The following PLCZ1 variants were observed in gnomAD, a reference collection of about 807,000 sequenced individuals.
The protein encoded by PLCZ1 is 1-phosphatidylinositol 4,5-bisphosphate phosphodiesterase zeta-1.
A neutral mutation model predicts 76.8 loss-of-function variants in PLCZ1; 64 were observed. That is an observed-to-expected ratio of 0.83 (90% CI 0.68 to 1.03). PLCZ1 has a LOEUF of 1.03. Among genes scored for constraint, PLCZ1 ranks in the 50% least tolerant of loss-of-function variants. The pLI is 0.00. For missense variants in PLCZ1, 751 were observed against 713.7 expected, an observed-to-expected ratio of 1.05 and a Z score of -0.60; for synonymous variants, 248 against 230.8, an observed-to-expected ratio of 1.07 and a Z score of -0.68.
intron 3 of PLCZ1, among the ~76,000 whole-genome samples, chr12:18,734,712 A>C (rs1482861524): frequency 1.3e-5 from 2 of 152,138 alleles, no homozygotes; most frequent in Admixed American, 1.3e-4. Flanking sequence ...GCCATCAGTG[A>C]ATAGAGATAA....
At chr12:18,731,944 T>C (rs1309646807) in intron 3 of PLCZ1, among the ~76,000 whole-genome samples, 1 of 152,176 alleles carries the variant, frequency 6.6e-6, no homozygotes, top group African/African-American at 2.4e-5. Context: ...TTTTCTTTTG[T>C]GGAATAAGTG....
At chr12:18,736,453 T>C in intron 2 of PLCZ1, 109 bp from the exon 3 acceptor site, 1 of 1,291,886 alleles carries the variant, frequency 7.7e-7, no homozygotes, top group East Asian at 2.6e-5. Context: ...AAAGAATATG[T>C]TTAAAGTAAA....
At chr12:18,707,892 T>A (rs1956813247) in intron 6 of PLCZ1, among the ~76,000 whole-genome samples, 1 of 152,192 alleles carries the variant, frequency 6.6e-6, no homozygotes, top group South Asian at 2.1e-4. Flanking sequence ...TTATTGTGTA[T>A]ACTTAAGGTA....
the PLCZ1 span, among the ~76,000 whole-genome samples, chr12:18,649,515 C>G: frequency 1.3e-5 from 2 of 152,088 alleles, no homozygotes; most frequent in Non-Finnish European, 2.9e-5. Context: ...TTAAAACTTT[C>G]TCGTTACCCC....
downstream of PLCZ1, among the ~76,000 whole-genome samples, chr12:18,679,907 T>A (rs745553040): frequency 3.9e-5 from 6 of 151,994 alleles, no homozygotes; most frequent in Non-Finnish European, 8.8e-5. Context: ...ATCTATCTCT[T>A]CATCAGTTCA....
intron 6 of PLCZ1, among the ~76,000 whole-genome samples, chr12:18,712,534 C>T (rs762137919): frequency 1.2e-4 from 19 of 152,006 alleles, no homozygotes; most frequent in Non-Finnish European, 2.4e-4. Context: ...ATTACCTAGA[C>T]CAGTATTTCT....
intron 6 of PLCZ1, 42 bp downstream of exon 6, chr12:18,712,800 T>C: frequency 6.2e-7 from 1 of 1,600,472 alleles, no homozygotes; most frequent in Non-Finnish European, 8.6e-7. Context: ...TTAGAATTGC[T>C]TCTGTTTAAA....
chr12:18,736,718 T>C, intron 2 of PLCZ1: 1 of 1,279,498 alleles, frequency 7.8e-7, no homozygotes, highest in South Asian at 1.2e-5. Context: ...TAGTTCTCTC[T>C]TCCAGAAAGG....
Position 18,692,674 on chromosome 12 carries a change from T to C in PLCZ1, c.1461+2236A>G, listed in dbSNP as rs1954304703. ...GCAGGAGAAAAAAATCATTTCTACA[T>C]TGAAATCAGTAAAGAACAAAATCAA... is the stretch of plus-strand genomic sequence containing the variant. On this transcript the variant is annotated intron_variant, in intron 12 of 14. Coordinates refer to ENST00000266505, the MANE Select transcript of PLCZ1 (RefSeq NM_033123.4). 1.6e-5 allele frequency: 11 copies of C among 675,602 alleles called. No individual in the cohort carries two copies. The East Asian group carries it at 3.0e-4, about 18-fold the overall frequency. The allele number at this position is 675,602 out of a possible 1,614,324, so 41.9% of individuals were successfully genotyped here.
chr12:18,650,051 T>G, the PLCZ1 span, among the ~76,000 whole-genome samples: 1 of 152,066 alleles, frequency 6.6e-6, no homozygotes, highest in African/African-American at 2.4e-5. Flanking sequence ...TTCCCAGTTT[T>G]ATAACTCCAG....
At chr12:18,651,189 C>A in the PLCZ1 span, among the ~76,000 whole-genome samples, 3 of 152,012 alleles carry the variant, frequency 2.0e-5, no homozygotes, top group Admixed American at 6.6e-5. Flanking sequence ...ACGCTTCATC[C>A]CTGGGATCTT....
downstream of PLCZ1, among the ~76,000 whole-genome samples, chr12:18,681,904 A>C (rs939628506): frequency 6.6e-6 from 1 of 152,036 alleles, no homozygotes; most frequent in African/African-American, 2.4e-5. Flanking sequence ...TTTAAATTTC[A>C]TGGAATTCCA....
the PLCZ1 span, among the ~76,000 whole-genome samples, chr12:18,663,859 T>C: frequency 6.6e-6 from 1 of 152,252 alleles, no homozygotes; most frequent in East Asian, 1.9e-4. Context: ...TTATAAGGAA[T>C]TAATATCCAG....
At chr12:18,688,457 G>T (rs1425603973) in intron 12 of PLCZ1, among the ~76,000 whole-genome samples, 2 of 151,586 alleles carry the variant, frequency 1.3e-5, no homozygotes, top group Non-Finnish European at 2.9e-5. Flanking sequence ...CACAATTTTT[G>T]ATTTATTAAC....
intron 7 of PLCZ1, among the ~76,000 whole-genome samples, chr12:18,704,140 G>C (rs763577556): frequency 7.2e-5 from 11 of 152,166 alleles, no homozygotes; most frequent in Middle Eastern, 3.2e-3. Context: ...GAGGTCGACA[G>C]TATTGAATGT....
At chr12:18,737,603 G>C in intron 1 of PLCZ1, 94 bp from the exon 2 acceptor site, 1 of 654,426 alleles carries the variant, frequency 1.5e-6, no homozygotes, top group Non-Finnish European at 2.8e-6. Context: ...TGCAAGATGT[G>C]GTACCTGCAC....
In PLCZ1 at chr12:18,719,565, C is replaced by T. The variant is rs778827487; in HGVS notation, c.435G>A (p.Leu145=). The T allele has an allele frequency of 6.2e-7, 1 of 1,605,032 alleles. No individual in the cohort carries two copies. Among genetic ancestry groups the T allele is most frequent in the South Asian group, 1.1e-5 (1 of 89,376 alleles). ...AAACTTTTCTACATTCATTTTTAAA[C>T]AGTAGACATTCACGTGAATCCATGT... ...TRYMDSRECL[L]FKNECRKVYQ... The change falls in exon 5 of 15, where the codon CTG becomes CTA. Residue 145 remains leucine, a synonymous_variant. Transcript: ENST00000266505.
At chr12:18,724,685 C>T (rs1467610400) in intron 3 of PLCZ1, among the ~76,000 whole-genome samples, 1 of 152,028 alleles carries the variant, frequency 6.6e-6, no homozygotes, top group Non-Finnish European at 1.5e-5. Flanking sequence ...CTTCAACTTA[C>T]TGTTTTTAAA....
rs372351842 is a variant in PLCZ1, at chr12:18,695,516, G to A, written c.1292-437C>T. 1.4e-4 allele frequency among the ~76,000 whole-genome samples: 22 copies of A among 152,156 alleles called. No individual in the cohort carries two copies. In the South Asian group the frequency reaches 3.3e-3, roughly 23 times the overall value. ...AGAAACAGGCAAAGCAATAATTGTC[G>A]TTACAATATGGAAGTACCTCAGTAT... On this transcript the variant is annotated intron_variant, in intron 11 of 14. Transcript: ENST00000266505.
Sources: gnomAD v4.1 joint callset for allele counts (sites outside exome capture counted in the v4.1 genomes callset) on GRCh38, gnomAD v4.1.1 for gene constraint, MANE v1.5 for transcripts, NCBI Gene and HGNC (gene_info 2026-07-23, HGNC 2026-07-21) for gene names.